INPP5A: variants seen among roughly 807,000 people sequenced by gnomAD.
INPP5A encodes inositol polyphosphate-5-phosphatase A.
In INPP5A, 14 loss-of-function variants were observed where a neutral mutation model predicts 65.2. The ratio of observed to expected loss-of-function variants is 0.21; its 90% CI spans 0.14 to 0.34. The LOEUF is 0.34. Ranked by LOEUF, INPP5A falls within the 10% of genes least tolerant of loss-of-function variation. The pLI is 1.00. For synonymous variants in INPP5A, 207 were observed against 208.3 expected, an observed-to-expected ratio of 0.99 and a Z score of 0.05; for missense variants, 431 against 545.6, an observed-to-expected ratio of 0.79 and a Z score of 2.09.
intron 1 of INPP5A, among the ~76,000 whole-genome samples, chr10:132,602,101 A>G (rs1018994788): frequency 2.0e-5 from 3 of 152,246 alleles, no homozygotes; most frequent in African/African-American, 7.2e-5. Flanking sequence ...GTTTGTGAAC[A>G]TGGAATGGAT....
chr10:132,705,908 A>G lies in INPP5A; in HGVS notation c.475-2405A>G, dbSNP rs936263222. ...AACGTCTATGAGACGAGCAGACACC[A>G]GAATACAGACTCACCCCAAATAAAG... On this transcript the variant is annotated intron_variant, in intron 6 of 15. Coordinates refer to ENST00000368594, the MANE Select transcript of INPP5A (RefSeq NM_005539.5). This position sits in a 1 kb window ranked among gnomAD's most constrained non-coding sequence, Gnocchi z 4.9. 2.6e-5 allele frequency among the ~76,000 whole-genome samples: 4 copies of G among 152,250 alleles called. No homozygotes were observed. The highest frequency in any genetic ancestry group is 4.8e-5 in the African/African-American group (2 of 41,462).
intron 2 of INPP5A, among the ~76,000 whole-genome samples, chr10:132,626,484 A>G (rs1261346755): frequency 1.3e-5 from 2 of 152,306 alleles, no homozygotes; most frequent in African/African-American, 4.8e-5. Context: ...TGTCTCTCAC[A>G]GTTGGTGCTG....
At chr10:132,695,343 A>T (rs1845329011) in intron 5 of INPP5A, among the ~76,000 whole-genome samples, 2 of 152,222 alleles carry the variant, frequency 1.3e-5, no homozygotes, top group African/African-American at 4.8e-5. Context: ...ATAGAGGGGA[A>T]GTTCCTCAAC....
chr10:132,569,085 T>C (rs1353465189), intron 1 of INPP5A, among the ~76,000 whole-genome samples: 1 of 151,860 alleles, frequency 6.6e-6, no homozygotes, highest in East Asian at 1.9e-4. Context: ...CTGTCTAATT[T>C]TTGTATTTTT....
At chr10:132,752,755 T>C (rs1846519062) in intron 11 of INPP5A, among the ~76,000 whole-genome samples, 1 of 151,882 alleles carries the variant, frequency 6.6e-6, no homozygotes, top group South Asian at 2.1e-4. Flanking sequence ...CTGGGAGCAA[T>C]TGTCTTTCAT....
intron 9 of INPP5A, among the ~76,000 whole-genome samples, chr10:132,737,804 G>C (rs1846204168): frequency 6.6e-6 from 1 of 152,214 alleles, no homozygotes; most frequent in Non-Finnish European, 1.5e-5. Flanking sequence ...TAATTTTTCT[G>C]TTTAGAAAGA....
intron 9 of INPP5A, among the ~76,000 whole-genome samples, chr10:132,736,567 G>A (rs1846180459): frequency 6.6e-6 from 1 of 152,216 alleles, no homozygotes; most frequent in African/African-American, 2.4e-5. Context: ...CTCTCAATGG[G>A]CACCAGGGAG....
At chr10:132,763,799 A>G (rs1343140897) in intron 11 of INPP5A, among the ~76,000 whole-genome samples, 2 of 152,048 alleles carry the variant, frequency 1.3e-5, no homozygotes, top group African/African-American at 4.8e-5. Flanking sequence ...GCATGCAAAC[A>G]CACATGCCTG....
At chr10:132,655,522 C>T (rs1327832896) in intron 4 of INPP5A, among the ~76,000 whole-genome samples, 4 of 152,246 alleles carry the variant, frequency 2.6e-5, no homozygotes, top group South Asian at 4.1e-4. Context: ...CATCAGTCAG[C>T]GCCCAGAGAG....
chr10:132,576,832 C>G (rs114684543), intron 1 of INPP5A, among the ~76,000 whole-genome samples: 1 of 152,178 alleles, frequency 6.6e-6, no homozygotes, highest in Non-Finnish European at 1.5e-5. Context: ...AGCCGAGGGT[C>G]GCACCCAGAC....
chr10:132,670,071 A>G (rs957846306), intron 4 of INPP5A, among the ~76,000 whole-genome samples: 4 of 55,924 alleles, frequency 7.2e-5, no homozygotes, highest in African/African-American at 2.4e-4. Context: ...CTCAGCCCCC[A>G]TGTCCTCAGC....
intron 7 of INPP5A, 32 bp downstream of exon 7, chr10:132,708,397 T>C (rs1167343346): frequency 6.3e-6 from 10 of 1,597,966 alleles, no homozygotes; most frequent in Non-Finnish European, 8.6e-6. Context: ...TCAATTTCCA[T>C]AACGTTTCTT....
intron 1 of INPP5A, among the ~76,000 whole-genome samples, chr10:132,594,408 C>T (rs116435321): frequency 0.033 from 5,005 of 152,286 alleles, 92 homozygotes; most frequent in Non-Finnish European, 0.036. Context: ...GGAAACATTC[C>T]GTCATCTACA....
intron 9 of INPP5A, among the ~76,000 whole-genome samples, chr10:132,743,955 G>A (rs1425904314): frequency 6.6e-6 from 1 of 152,190 alleles, no homozygotes; most frequent in Non-Finnish European, 1.5e-5. Context: ...TCCATCCTTG[G>A]AACAGAGGAA....
At chr10:132,761,354 A>G (rs1846729614) in intron 11 of INPP5A, among the ~76,000 whole-genome samples, 1 of 152,242 alleles carries the variant, frequency 6.6e-6, no homozygotes, top group Admixed American at 6.5e-5. Flanking sequence ...GCATGTGTTC[A>G]TTTGACAGCA....
At chr10:132,687,527 G>A (rs747621514) in intron 4 of INPP5A, among the ~76,000 whole-genome samples, 1 of 152,230 alleles carries the variant, frequency 6.6e-6, no homozygotes. Context: ...GCTGCCTGCT[G>A]CACCCTAGAC....
At chr10:132,642,472 G>A (rs559590464) in intron 2 of INPP5A, among the ~76,000 whole-genome samples, 8 of 152,344 alleles carry the variant, frequency 5.3e-5, no homozygotes, top group Admixed American at 2.6e-4. Context: ...TACTCCTGCC[G>A]TGACAGCCCA....
chr10:132,538,151 G>A lies in INPP5A; in HGVS notation c.55G>A (p.Val19Met). Residue 19 changes from valine to methionine, a missense_variant, in exon 1 of 16, where the codon GTG becomes ATG. Transcript: ENST00000368594. The surrounding 1 kb of genome is among the most constrained non-coding windows in gnomAD (Gnocchi z 4.1). ...GTAVLLVTAN[V>M]GSLFDDPENL... ...CGCGGTGCTGCTGGTCACGGCCAAC[G>A]TGGGCTCGCTCTTCGACGACGTAAG... 1.6e-6 allele frequency: 2 copies of A among 1,280,434 alleles called. No homozygotes were observed. The highest frequency in any genetic ancestry group is 9.9e-7 in the Non-Finnish European group (1 of 1,007,774). The allele number at this position is 1,280,434 out of a possible 1,614,324, so 79.3% of individuals were successfully genotyped here. A position where few individuals can be genotyped will look rare whatever the true frequency, so the allele number is the denominator to read the frequency against.
At position 132,675,807 on chromosome 10, in the gene INPP5A, T is replaced by C. The variant is rs371570309; in HGVS notation, c.307-14585T>C. On this transcript the variant is annotated intron_variant, in intron 4 of 15. Transcript: ENST00000368594. The surrounding 1 kb of genome is among the most constrained non-coding windows in gnomAD (Gnocchi z 4.2). ...TAAGGCTTTTGAGTAGAGTTTTATATGCCCTGAGCTTTTGTACTGGCAGAA... is the reference window on the plus strand; with the variant it reads ...TAAGGCTTTTGAGTAGAGTTTTATACGCCCTGAGCTTTTGTACTGGCAGAA... 1.6e-4 allele frequency among the ~76,000 whole-genome samples: 25 copies of C among 152,358 alleles called. No homozygotes were observed. Among genetic ancestry groups the C allele is most frequent in the Admixed American group, 1.1e-3 (17 of 15,306 alleles).
Sources: gnomAD v4.1 joint callset for allele counts (sites outside exome capture counted in the v4.1 genomes callset) on GRCh38, gnomAD v4.1.1 for gene constraint, Gnocchi (gnomAD v3.1) non-coding constraint, MANE v1.5 for transcripts, NCBI Gene and HGNC (gene_info 2026-07-23, HGNC 2026-07-21) for gene names.